Variants in MGAT4C observed in about 807,000 individuals in gnomAD.
MGAT4C encodes the protein alpha-1,3-mannosyl-glycoprotein 4-beta-N-acetylglucosaminyltransferase C.
A neutral mutation model predicts 40.1 loss-of-function variants in MGAT4C; 19 were observed. The ratio of observed to expected loss-of-function variants is 0.47; its 90% CI spans 0.33 to 0.70. The LOEUF (loss-of-function observed/expected upper bound fraction) is 0.70, where lower values mean the gene tolerates loss of function less well. Ranked by LOEUF, MGAT4C falls within the 30% of genes least tolerant of loss-of-function variation. MGAT4C has a pLI of 0.02. For synonymous variants in MGAT4C, 181 were observed against 187.1 expected (o/e 0.97, Z 0.27); for missense variants, 491 against 563.2 (o/e 0.87, Z 1.30).
intron 1 of MGAT4C, among the ~76,000 whole-genome samples, chr12:86,052,362 A>C: frequency 6.6e-6 from 1 of 151,954 alleles, no homozygotes; most frequent in East Asian, 1.9e-4. Context: ...TTTTCAAGAT[A>C]ACAAAACCTA....
intron 2 of MGAT4C, among the ~76,000 whole-genome samples, chr12:86,600,971 G>A (rs746818241): frequency 6.6e-6 from 1 of 152,242 alleles, no homozygotes; most frequent in African/African-American, 2.4e-5. Context: ...GAGCCCAGGC[G>A]CTGTAGCGAC....
chr12:86,831,197 C>T (rs1344323941), intron 1 of MGAT4C, among the ~76,000 whole-genome samples: 1 of 151,556 alleles, frequency 6.6e-6, no homozygotes, highest in Non-Finnish European at 1.5e-5. Flanking sequence ...TATCCATTTT[C>T]CTTGAATATT....
chr12:86,770,652 T>A (rs1349490033), intron 1 of MGAT4C, among the ~76,000 whole-genome samples: 1 of 152,092 alleles, frequency 6.6e-6, no homozygotes, highest in Admixed American at 6.6e-5. Flanking sequence ...GATTCAGGAA[T>A]ATATGTTAAA....
intron 2 of MGAT4C, among the ~76,000 whole-genome samples, chr12:86,579,943 G>A (rs948750868): frequency 2.6e-5 from 4 of 151,376 alleles, no homozygotes; most frequent in African/African-American, 9.7e-5. Flanking sequence ...TCTGTTATTT[G>A]TTTTCTCTTG....
chr12:86,627,960 G>A (rs1410679391), intron 2 of MGAT4C, among the ~76,000 whole-genome samples: 1 of 150,922 alleles, frequency 6.6e-6, no homozygotes, highest in Non-Finnish European at 1.5e-5. Context: ...GCTAAAGGAG[G>A]ATGTTCAAAC....
chr12:86,786,028 T>G (rs1242180137), intron 1 of MGAT4C, among the ~76,000 whole-genome samples: 1 of 151,948 alleles, frequency 6.6e-6, no homozygotes, highest in Non-Finnish European at 1.5e-5. Flanking sequence ...ACACTATAAT[T>G]CCCCGTTACA....
intron 4 of MGAT4C, among the ~76,000 whole-genome samples, chr12:86,317,964 A>G (rs1954287060): frequency 6.6e-6 from 1 of 151,926 alleles, no homozygotes; most frequent in African/African-American, 2.4e-5. Context: ...CTCCATGTTT[A>G]TCTTATGTTA....
At chr12:86,376,818 CAGAGAGAG>C (rs34852259) in intron 3 of MGAT4C, among the ~76,000 whole-genome samples, 50 of 125,374 alleles carry the variant, frequency 4.0e-4, no homozygotes, top group African/African-American at 1.4e-3. Flanking sequence ...GAGAGAGAGA[CAGAGAGAG>C]AGAGAGAGAG....
Position 86,435,641 on chromosome 12 carries a change from T to C in MGAT4C, c.-228-376A>G, listed in dbSNP as rs556534802. Reference sequence around the variant, plus strand: ...TATTTATGTACTAATGAGATATCAGTATTATTAAGTCTCTTTCATTTACTA... The same window carrying C: ...TATTTATGTACTAATGAGATATCAGCATTATTAAGTCTCTTTCATTTACTA... On this transcript the variant is annotated intron_variant, in intron 2 of 7. Transcript: ENST00000548651. Among the ~76,000 whole-genome samples the C allele has an allele frequency of 9.2e-5, 14 of 152,016 alleles. 1 individual carries two copies. In the East Asian group the frequency reaches 2.5e-3, roughly 27 times the overall value.
At chr12:86,580,977 T>A (rs1207124971) in intron 2 of MGAT4C, among the ~76,000 whole-genome samples, 1 of 151,452 alleles carries the variant, frequency 6.6e-6, no homozygotes, top group Non-Finnish European at 1.5e-5. Flanking sequence ...TTGAAAAGAA[T>A]TAAAAGCATA....
At chr12:86,309,742 T>C (rs1954023217) in intron 4 of MGAT4C, among the ~76,000 whole-genome samples, 1 of 152,196 alleles carries the variant, frequency 6.6e-6, no homozygotes, top group Admixed American at 6.5e-5. Context: ...AAACTTCCTC[T>C]GAAACAATAA....
intron 4 of MGAT4C, among the ~76,000 whole-genome samples, chr12:86,272,731 G>T (rs1266777776): frequency 2.0e-5 from 3 of 151,900 alleles, no homozygotes. Flanking sequence ...ATGTACCTGT[G>T]ATCCCAGCTA....
At chr12:86,502,219 C>T (rs1958357865) in intron 2 of MGAT4C, among the ~76,000 whole-genome samples, 2 of 152,016 alleles carry the variant, frequency 1.3e-5, no homozygotes, top group Admixed American at 6.6e-5. Context: ...CCTTAAATAC[C>T]TATTCATAAG....
chr12:86,273,466 T>C (rs1041676650), intron 4 of MGAT4C, among the ~76,000 whole-genome samples: 1 of 152,202 alleles, frequency 6.6e-6, no homozygotes, highest in Non-Finnish European at 1.5e-5. Flanking sequence ...TGAATGTTAC[T>C]ATTTATTATG....
intron 3 of MGAT4C, among the ~76,000 whole-genome samples, chr12:86,376,903 T>C (rs867682150): frequency 1.4e-5 from 2 of 148,008 alleles, no homozygotes; most frequent in South Asian, 2.1e-4. Flanking sequence ...GAGATTGAGA[T>C]TGAAAGGAGA....
chr12:86,504,896 C>T (rs1958443437), intron 2 of MGAT4C, among the ~76,000 whole-genome samples: 1 of 152,102 alleles, frequency 6.6e-6, no homozygotes, highest in South Asian at 2.1e-4. Context: ...ATCTGCCCGC[C>T]TCGGCTTCAC....
At chr12:86,694,267 G>T (rs749714712) in intron 2 of MGAT4C, among the ~76,000 whole-genome samples, 4 of 149,536 alleles carry the variant, frequency 2.7e-5, no homozygotes, top group African/African-American at 7.3e-5. Flanking sequence ...TTCTTCTATT[G>T]TACTTTCTGT....
At chr12:86,739,730 C>G (rs957237749) in intron 1 of MGAT4C, among the ~76,000 whole-genome samples, 3 of 150,882 alleles carry the variant, frequency 2.0e-5, no homozygotes, top group Non-Finnish European at 3.0e-5. Flanking sequence ...ATATAAGGAA[C>G]TTGAGCATCT....
In MGAT4C at chr12:86,527,933, G is replaced by T. The variant is rs986572876; in HGVS notation, c.-228-92668C>A. 1.9e-4 allele frequency among the ~76,000 whole-genome samples: 29 copies of T among 152,046 alleles called. 1 individual carries two copies. The highest frequency in any genetic ancestry group is 2.1e-4 in the Non-Finnish European group (14 of 67,982). On this transcript the variant is annotated intron_variant, in intron 2 of 7. Coordinates refer to the MGAT4C transcript ENST00000548651. Reference sequence around the variant, plus strand: ...GGTTACAAGGCTGAAAGTGAGGCAGGTGATGAAGAAAAAAATGTAAATGTA... The same window carrying T: ...GGTTACAAGGCTGAAAGTGAGGCAGTTGATGAAGAAAAAAATGTAAATGTA...
Sources: gnomAD v4.1 joint callset for allele counts (sites outside exome capture counted in the v4.1 genomes callset) on GRCh38, gnomAD v4.1.1 for gene constraint, MANE v1.5 for transcripts, NCBI Gene and HGNC (gene_info 2026-07-23, HGNC 2026-07-21) for gene names.